The following UNC80 variants were observed in gnomAD, a reference collection of about 807,000 sequenced individuals.
The protein encoded by UNC80 is unc-80 subunit of NALCN channel complex.
A neutral mutation model predicts 384.6 loss-of-function variants in UNC80; 164 were observed. The ratio of observed to expected loss-of-function variants is 0.43; its 90% CI spans 0.38 to 0.49. The LOEUF is 0.49. Among genes scored for constraint, UNC80 ranks in the 20% least tolerant of loss-of-function variants. The probability of loss-of-function intolerance (pLI) is 0.00; values close to 1 mark genes in which losing one functional copy is unlikely to be tolerated. For missense variants in UNC80, 3,330 were observed against 4,143.0 expected, an observed-to-expected ratio of 0.80 and a Z score of 5.39; for synonymous variants, 1,486 against 1,527.8, an observed-to-expected ratio of 0.97 and a Z score of 0.64.
At chr2:209,970,468 T>C (rs1221773692) in intron 53 of UNC80, among the ~76,000 whole-genome samples, 1 of 152,178 alleles carries the variant, frequency 6.6e-6, no homozygotes, top group Non-Finnish European at 1.5e-5. Context: ...CTAGTGCAAA[T>C]AGAGCTGTTG....
chr2:209,982,090 C>G, intron 59 of UNC80, 89 bp from the exon 60 acceptor site: 1 of 1,369,230 alleles, frequency 7.3e-7, no homozygotes, highest in South Asian at 1.5e-5. Flanking sequence ...TGTACACAAG[C>G]CAAGGACAGA....
chr2:209,815,977 T>C (rs1220202783), intron 9 of UNC80, among the ~76,000 whole-genome samples: 1 of 152,038 alleles, frequency 6.6e-6, no homozygotes, highest in Non-Finnish European at 1.5e-5. Flanking sequence ...TATATAGTGG[T>C]TTGCTTTCTC....
chr2:209,837,081 A>G (rs556180465), intron 18 of UNC80, among the ~76,000 whole-genome samples: 3 of 152,098 alleles, frequency 2.0e-5, no homozygotes, highest in Admixed American at 6.6e-5. Flanking sequence ...AATTCATACC[A>G]TATTTGGTAA....
chr2:209,780,567 C>T (rs1333261054), intron 4 of UNC80, among the ~76,000 whole-genome samples: 2 of 152,128 alleles, frequency 1.3e-5, no homozygotes, highest in Admixed American at 6.5e-5. Flanking sequence ...TGTTATGGGA[C>T]ACTGTCCTAT....
chr2:209,833,976 C>T (rs1476104221), intron 16 of UNC80, 26 bp from the exon 17 acceptor site: 3 of 1,546,544 alleles, frequency 1.9e-6, no homozygotes, highest in Non-Finnish European at 2.6e-6. Flanking sequence ...CTTTCTTTCT[C>T]CAACTTCCTT....
intron 51 of UNC80, among the ~76,000 whole-genome samples, chr2:209,964,514 C>T (rs2092687939): frequency 6.6e-6 from 1 of 152,038 alleles, no homozygotes; most frequent in East Asian, 1.9e-4. Flanking sequence ...TAAGGCCGGG[C>T]GCGGTTGTTC....
rs762348614 is a variant in UNC80, at chr2:209,817,943, G to A, written c.1684G>A (p.Val562Ile). The part of the protein sequence containing the change: ...DPSNSHGENT[V>I]KEVRSQISTI... ...CTCCAACAGCCATGGAGAAAACACC[G>A]TCAAGGAAGGTGGGTAGGAGGTGGG... Residue 562 changes from valine (V) to isoleucine (I), a missense_variant, in exon 11 of 65, where the codon GTC becomes ATC. By Grantham distance (29) the Val-to-Ile change is conservative (BLOSUM62 3). Transcript: ENST00000673920. 27 of 1,551,452 alleles carry A rather than the reference G, an allele frequency of 1.7e-5. No homozygotes were observed. The highest frequency in any genetic ancestry group is 4.8e-5 in the South Asian group (4 of 84,056).
chr2:209,880,569 G>A (rs778181544), intron 24 of UNC80, among the ~76,000 whole-genome samples: 14 of 152,142 alleles, frequency 9.2e-5, no homozygotes, highest in Non-Finnish European at 1.8e-4. Context: ...GAATAGCAGC[G>A]TAGAAATCTT....
intron 5 of UNC80, among the ~76,000 whole-genome samples, chr2:209,788,569 A>G (rs2077600204): frequency 6.8e-6 from 1 of 147,786 alleles, no homozygotes; most frequent in South Asian, 2.1e-4. Context: ...AAATATATTA[A>G]AAGTATAAAA....
chr2:209,920,350 A>G (rs898935138), intron 33 of UNC80, among the ~76,000 whole-genome samples: 1 of 152,176 alleles, frequency 6.6e-6, no homozygotes, highest in Non-Finnish European at 1.5e-5. Context: ...GAGTTCTGGA[A>G]TTGCCATTGT....
intron 41 of UNC80, 66 bp downstream of exon 41, chr2:209,936,999 G>GA: frequency 3.5e-6 from 4 of 1,147,652 alleles, no homozygotes; most frequent in Non-Finnish European, 5.1e-6. Context: ...ACCTGAGGGT[G>GA]GCTCACAGTC....
rs200110572 is a variant in UNC80, at chr2:209,967,513, C to T, written c.7882C>T (p.Arg2628Cys). ...GACAATGGAGAGTCGTGGGCTTCGGCGCTACATCATGGAGATGCTACCCAT... is the reference window on the plus strand; with the variant it reads ...GACAATGGAGAGTCGTGGGCTTCGGTGCTACATCATGGAGATGCTACCCAT... Reference protein sequence around the residue: ...TQTMESRGLRRYIMEMLPITD... With the variant: ...TQTMESRGLRCYIMEMLPITD... Residue 2628 changes from arginine to cysteine, a missense_variant, in exon 52 of 65, where the codon CGC becomes TGC. By Grantham distance (180) the Arg-to-Cys change is radical. Around this residue, in one of 8 missense-constraint regions of UNC80, gnomAD observed 1,049 missense variants for 1,488.6 expected, o/e 0.70. Transcript: ENST00000673920. 33 of 1,551,534 alleles carry T rather than the reference C, an allele frequency of 2.1e-5. No individual in the cohort carries two copies. The highest frequency in any genetic ancestry group is 1.7e-4 in the Middle Eastern group (1 of 5,990).
intron 13 of UNC80, among the ~76,000 whole-genome samples, chr2:209,821,086 T>C (rs536338605): frequency 6.6e-5 from 10 of 151,440 alleles, no homozygotes; most frequent in Non-Finnish European, 1.5e-4. Context: ...GCTTAAACAA[T>C]AGAAATTTAT....
chr2:209,946,298 C>A (rs1160740157), intron 47 of UNC80, among the ~76,000 whole-genome samples: 1 of 150,596 alleles, frequency 6.6e-6, no homozygotes, highest in African/African-American at 2.4e-5. Context: ...TAATCCCAGG[C>A]GGTCAAGGCT....
In UNC80 at chr2:209,912,565, A is replaced by C; in HGVS notation, c.4788A>C (p.Ser1596=). 1.3e-6 allele frequency: 2 copies of C among 1,549,670 alleles called. No individual in the cohort carries two copies. The highest frequency in any genetic ancestry group is 1.2e-5 in the South Asian group (1 of 83,882). ...CATATCCCTGGTCTTTTCAGTGCTC[A>C]GATAAGTCATGCCTGAGGACACCTT... ...ALRGKKQKEC[S]DKSCLRTPSL... Residue 1596 remains serine (S), a synonymous_variant, in exon 30 of 65, where the codon TCA becomes TCC. Transcript: ENST00000673920.
At chr2:209,808,715 G>A (rs760444978) in intron 7 of UNC80, 1 of 106,258 alleles carries the variant, frequency 9.4e-6, no homozygotes, top group South Asian at 2.7e-4. Context: ...TGGCGGAGCG[G>A]CTGCACTCAT....
intron 51 of UNC80, among the ~76,000 whole-genome samples, chr2:209,964,896 G>A (rs1488879807): frequency 6.6e-6 from 1 of 150,538 alleles, no homozygotes; most frequent in Admixed American, 6.6e-5. Context: ...TTCCTAATTT[G>A]TTAAAAAAAA....
intron 7 of UNC80, chr2:209,794,666 T>C (rs775602949): frequency 5.9e-5 from 20 of 339,566 alleles, no homozygotes; most frequent in Non-Finnish European, 1.1e-4. Context: ...GGGGAGGTAA[T>C]TGAATCATGG....
At position 209,959,568 on chromosome 2, in the gene UNC80, A is replaced by G; in HGVS notation, c.7666A>G (p.Arg2556Gly). 1 of 1,551,726 alleles carries G rather than the reference A, an allele frequency of 6.4e-7. No homozygotes were observed. The highest frequency in any genetic ancestry group is 8.7e-7 in the Non-Finnish European group (1 of 1,146,996). Residue 2556 changes from arginine (R) to glycine (G), a missense_variant, in exon 51 of 65, where the codon AGA becomes GGA. This residue lies in a region of UNC80 where 1,049 missense variants were observed against 1,488.6 expected (regional missense o/e 0.70). Coordinates refer to ENST00000673920, the MANE Select transcript of UNC80 (RefSeq NM_001371986.1). ...TGAACGAATTGCTCGGGAAGAGTTCAGAAGACCCCGGGAGTCCTTACTGAA... is the reference window on the plus strand; with the variant it reads ...TGAACGAATTGCTCGGGAAGAGTTCGGAAGACCCCGGGAGTCCTTACTGAA... Reference protein sequence around the residue: ...LDERIAREEFRRPRESLLNIC... With the variant: ...LDERIAREEFGRPRESLLNIC...
Sources: allele counts gnomAD v4.1 joint callset (sites outside exome capture counted in the v4.1 genomes callset), GRCh38; gene constraint gnomAD v4.1.1; regional missense constraint gnomAD v4.1.1; transcripts MANE v1.5; gene names NCBI Gene and HGNC (gene_info 2026-07-23, HGNC 2026-07-21).